BMPR2: variants seen among roughly 807,000 people sequenced by gnomAD.
BMPR2 encodes the protein bone morphogenetic protein receptor type-2.
In BMPR2, 29 loss-of-function variants were observed where a neutral mutation model predicts 100.8. That is an observed-to-expected ratio of 0.29 (90% CI 0.21 to 0.39). The LOEUF is 0.39. Among genes scored for constraint, BMPR2 ranks in the 10% least tolerant of loss-of-function variants. The pLI is 1.00. For missense variants in BMPR2, 1,011 were observed against 1,274.5 expected, an observed-to-expected ratio of 0.79 and a Z score of 3.15; for synonymous variants, 382 against 442.3, an observed-to-expected ratio of 0.86 and a Z score of 1.71.
intron 3 of BMPR2, among the ~76,000 whole-genome samples, chr2:202,507,091 A>G (rs1687534406): frequency 6.6e-6 from 1 of 151,192 alleles, no homozygotes; most frequent in Non-Finnish European, 1.5e-5. Flanking sequence ...AAAAAAAAAA[A>G]AGGAATTCAT....
chr2:202,396,346 A>G (rs1009177548), intron 1 of BMPR2, among the ~76,000 whole-genome samples: 1 of 152,246 alleles, frequency 6.6e-6, no homozygotes, highest in Non-Finnish European at 1.5e-5. Context: ...AAGACTTGAA[A>G]TCTGGCTGAT....
intron 6 of BMPR2, among the ~76,000 whole-genome samples, chr2:202,519,672 T>C (rs897878123): frequency 6.6e-6 from 1 of 152,210 alleles, no homozygotes; most frequent in Non-Finnish European, 1.5e-5. Flanking sequence ...TGGTAATAGT[T>C]TGTAGATAAG....
Position 202,532,512 on chromosome 2 carries a change from A to T in BMPR2, c.1129-73A>T, listed in dbSNP as rs1559066925. 1 of 1,532,766 alleles carries T rather than the reference A, an allele frequency of 6.5e-7. No homozygotes were observed. The highest frequency in any genetic ancestry group is 1.4e-5 in the African/African-American group (1 of 73,008). 94.9% of individuals were successfully genotyped at this position (1,532,766 alleles called of 1,614,324 possible). On this transcript the variant is annotated intron_variant, in intron 8 of 12. Transcript: ENST00000374580. The surrounding 1 kb of genome is among the most constrained non-coding windows in gnomAD (Gnocchi z 4.1). The stretch of plus-strand genomic sequence containing the variant: ...TTGACATGACTAAGATTTATATATA[A>T]CTTCTGGTCTAATGTCTGTTCTTCA...
At chr2:202,388,190 A>G (rs533325840) in intron 1 of BMPR2, among the ~76,000 whole-genome samples, 1 of 151,870 alleles carries the variant, frequency 6.6e-6, no homozygotes, top group Admixed American at 6.6e-5. Context: ...TGAGATCAGG[A>G]GTTTGAGAAC....
At position 202,514,667 on chromosome 2, in the gene BMPR2, G is replaced by A. The variant is rs34979312; in HGVS notation, c.530-221G>A. On this transcript the variant is annotated intron_variant, in intron 4 of 12. Transcript: ENST00000374580. The stretch of plus-strand genomic sequence containing the variant: ...AAACTTTTAAAGTAAGTCATCATGG[G>A]AGTGTCTCCCAGAATTTGGCTTTCA... Among the ~76,000 whole-genome samples the A allele has an allele frequency of 0.13, 19,277 of 152,064 alleles. 1,297 individuals are homozygous for A. The highest frequency in any genetic ancestry group is 0.14 in the Admixed American group (2,101 of 15,264).
intron 3 of BMPR2, among the ~76,000 whole-genome samples, chr2:202,479,114 C>T (rs576882775): frequency 5.9e-5 from 9 of 152,092 alleles, no homozygotes; most frequent in Non-Finnish European, 2.9e-5. Context: ...GATGGTATAT[C>T]ACTTCTGTAA....
intron 1 of BMPR2, among the ~76,000 whole-genome samples, chr2:202,427,488 TAA>T (rs1691411910): frequency 1.3e-5 from 2 of 148,832 alleles, no homozygotes; most frequent in African/African-American, 5.0e-5. Context: ...TCAAATTAAG[TAA>T]AAAGAAAAAA....
At chr2:202,391,467 G>A (rs1317835769) in intron 1 of BMPR2, among the ~76,000 whole-genome samples, 1 of 151,858 alleles carries the variant, frequency 6.6e-6, no homozygotes, top group African/African-American at 2.4e-5. Flanking sequence ...ACCATGCCCG[G>A]CTAATTTTTT....
chr2:202,414,499 T>C (rs1462048502), intron 1 of BMPR2, among the ~76,000 whole-genome samples: 1 of 152,232 alleles, frequency 6.6e-6, no homozygotes, highest in African/African-American at 2.4e-5. Flanking sequence ...GAAGAAGGCA[T>C]GCTGAAAGCC....
In BMPR2 at chr2:202,556,523, G is replaced by A. The variant is rs570394434; in HGVS notation, c.2858G>A (p.Ser953Asn). The A allele has an allele frequency of 6.2e-7, 1 of 1,612,446 alleles. No homozygotes were observed. Among genetic ancestry groups the A allele is most frequent in the Admixed American group, 1.7e-5 (1 of 60,024 alleles). The change falls in exon 12 of 13, where the codon AGT becomes AAT. Residue 953 changes from serine (S) to asparagine (N), a missense_variant. By Grantham distance (46) the Ser-to-Asn change is conservative. Around this residue, in one of 6 missense-constraint regions of BMPR2, gnomAD observed 508 missense variants for 552.0 expected, o/e 0.92. Transcript: ENST00000374580. ...LSATNVLDGS[S>N]IQIGESTQDG... ...GCCACAAATGTCCTGGATGGCAGCA[G>A]TATACAGAGTAAGTGGAGGGATCAT...
Position 202,562,360 on chromosome 2 carries a change from G to T in BMPR2, c.*2414G>T, listed in dbSNP as rs796617108. On this transcript the variant is annotated 3_prime_UTR_variant, in exon 13 of 13. Coordinates refer to ENST00000374580, the MANE Select transcript of BMPR2 (RefSeq NM_001204.7). Reference sequence around the variant, plus strand: ...CTGAATAGTTTACTATTTCATTCAAGCATGTTTAAAACAAATAATTTCCTT... The same window carrying T: ...CTGAATAGTTTACTATTTCATTCAATCATGTTTAAAACAAATAATTTCCTT... The T allele has an allele frequency of 2.2e-4, 34 of 152,610 alleles. 1 individual carries two copies. Among genetic ancestry groups the T allele is most frequent in the African/African-American group, 8.2e-4 (34 of 41,530 alleles). The allele number at this position is 152,610 out of a possible 1,614,324, so 9.5% of individuals were successfully genotyped here.
rs141248911 is a variant in BMPR2, at chr2:202,560,421, T to C, written c.*475T>C. On this transcript the variant is annotated 3_prime_UTR_variant, in exon 13 of 13. Transcript: ENST00000374580. ...ATACGTTCCTGAACATATTATCTTG[T>C]TGGACATCTTTTCTCTTGTGTTTTG... is the stretch of plus-strand genomic sequence containing the variant. 490 of 168,170 alleles carry C rather than the reference T, an allele frequency of 2.9e-3. 2 individuals carry two copies. Among genetic ancestry groups the C allele is most frequent in the African/African-American group, 0.011 (472 of 41,678 alleles). The allele number at this position is 168,170 out of a possible 1,614,324, so 10.4% of individuals were successfully genotyped here. A position where few individuals can be genotyped will look rare whatever the true frequency, so the allele number is the denominator to read the frequency against.
At chr2:202,546,540 G>T (rs759328845) in intron 10 of BMPR2, among the ~76,000 whole-genome samples, 3 of 152,138 alleles carry the variant, frequency 2.0e-5, no homozygotes, top group Admixed American at 6.5e-5. Context: ...CTTCCTATAT[G>T]TTTCAGAATT....
intron 1 of BMPR2, among the ~76,000 whole-genome samples, chr2:202,413,386 T>C (rs558083118): frequency 1.4e-4 from 21 of 152,018 alleles, no homozygotes; most frequent in Admixed American, 2.6e-4. Flanking sequence ...TAGCCAGGAG[T>C]TGAGTGTCAG....
At position 202,390,310 on chromosome 2, in the gene BMPR2, T is replaced by C. The variant is rs370859462; in HGVS notation, c.76+12760T>C. 2.6e-4 allele frequency among the ~76,000 whole-genome samples: 39 copies of C among 151,300 alleles called. 1 individual carries two copies. The South Asian group carries it at 7.7e-3, about 30-fold the overall frequency. On this transcript the variant is annotated intron_variant, in intron 1 of 12. Transcript: ENST00000374580. ...TACTGTCATTTCTACCAGTAGTGTA[T>C]GAGAACCTCCCTTTTCTTTCGTGTT...
chr2:202,415,205 C>T (rs1691100167), intron 1 of BMPR2, among the ~76,000 whole-genome samples: 1 of 152,096 alleles, frequency 6.6e-6, no homozygotes, highest in Non-Finnish European at 1.5e-5. Flanking sequence ...CTCAGTGGCT[C>T]ACACCTGTAA....
intron 3 of BMPR2, among the ~76,000 whole-genome samples, chr2:202,476,902 C>T (rs1480879251): frequency 6.8e-6 from 1 of 146,104 alleles, no homozygotes; most frequent in Non-Finnish European, 1.5e-5. Flanking sequence ...TTAAAAACAA[C>T]ACATTTTGTA....
At chr2:202,458,403 G>C (rs773706993) in intron 1 of BMPR2, among the ~76,000 whole-genome samples, 4 of 151,856 alleles carry the variant, frequency 2.6e-5, no homozygotes, top group Non-Finnish European at 5.9e-5. Flanking sequence ...CTGAAAGCCG[G>C]AGGTTGCAGT....
intron 3 of BMPR2, among the ~76,000 whole-genome samples, chr2:202,508,103 TTATTATTA>T (rs2105997662): frequency 6.7e-6 from 1 of 149,260 alleles, no homozygotes; most frequent in East Asian, 2.0e-4. Context: ...ATTATTATTA[TTATTATTA>T]TTTTTGAGTC....
Sources: allele counts gnomAD v4.1 joint callset (sites outside exome capture counted in the v4.1 genomes callset), GRCh38; gene constraint gnomAD v4.1.1; regional missense constraint gnomAD v4.1.1; non-coding constraint Gnocchi (gnomAD v3.1); transcripts MANE v1.5; gene names NCBI Gene and HGNC (gene_info 2026-07-23, HGNC 2026-07-21).